The following SHB variants were observed in gnomAD, a reference collection of about 807,000 sequenced individuals.
The protein encoded by SHB is SH2 domain containing adaptor protein B, also known as SH2 domain-containing adapter protein B.
In SHB, 20 loss-of-function variants were observed where a neutral mutation model predicts 52.3. That is an observed-to-expected ratio of 0.38 (90% CI 0.27 to 0.56). The LOEUF (loss-of-function observed/expected upper bound fraction) is 0.56, where lower values mean the gene tolerates loss of function less well. Among genes scored for constraint, SHB ranks in the 20% least tolerant of loss-of-function variants. The pLI is 0.71. For missense variants in SHB, 825 were observed against 723.3 expected, an observed-to-expected ratio of 1.14 and a Z score of -1.61; for synonymous variants, 397 against 316.5, an observed-to-expected ratio of 1.25 and a Z score of -2.70.
intron 3 of SHB, among the ~76,000 whole-genome samples, chr9:37,972,535 G>A (rs1820602442): frequency 6.6e-6 from 1 of 152,240 alleles, no homozygotes; most frequent in South Asian, 2.1e-4. Context: ...TAACCCTGAT[G>A]TGGTGTGAGA....
rs1181315416 is a variant in SHB, at chr9:38,054,592, GC to G, written c.717+13336del. Among the ~76,000 whole-genome samples the G allele has an allele frequency of 4.6e-5, 7 of 152,188 alleles. No homozygotes were observed. In the East Asian group the frequency reaches 1.3e-3, roughly 29 times the overall value. On this transcript the variant is annotated intron_variant, in intron 1 of 5. Transcript: ENST00000377707. ...CATCAAAGGGTCCTTGCCCTTAGCA[GC>G]TGGGGTCCTGGCTGGGAATCTGGCT...
intron 1 of SHB, among the ~76,000 whole-genome samples, chr9:38,045,044 G>A (rs1014934992): frequency 1.3e-5 from 2 of 152,354 alleles, no homozygotes; most frequent in South Asian, 4.1e-4. Context: ...ATACAGGTGA[G>A]CCTTGCATCC....
intron 2 of SHB, among the ~76,000 whole-genome samples, chr9:38,008,931 A>T (rs1821104427): frequency 6.6e-6 from 1 of 152,204 alleles, no homozygotes; most frequent in South Asian, 2.1e-4. Context: ...CCACGGCACT[A>T]CAGAGCTGGG....
At chr9:38,015,242 T>G in intron 2 of SHB, 1 of 587,592 alleles carries the variant, frequency 1.7e-6, no homozygotes, top group Non-Finnish European at 3.0e-6. Flanking sequence ...ACAACAGGGG[T>G]TTCCCTTTTG....
At chr9:37,932,770 TG>T in intron 5 of SHB, among the ~76,000 whole-genome samples, 1 of 152,288 alleles carries the variant, frequency 6.6e-6, no homozygotes, top group African/African-American at 2.4e-5. Flanking sequence ...TGTGCCACCA[TG>T]CCTGGCTAAT....
At chr9:38,006,658 G>A (rs1424925344) in intron 2 of SHB, among the ~76,000 whole-genome samples, 1 of 152,224 alleles carries the variant, frequency 6.6e-6, no homozygotes, top group Non-Finnish European at 1.5e-5. Context: ...CAAGGAGTTA[G>A]GGATGTGTTC....
intron 1 of SHB, among the ~76,000 whole-genome samples, chr9:38,063,794 TG>T (rs770868317): frequency 1.1e-3 from 150 of 136,850 alleles, no homozygotes; most frequent in Middle Eastern, 3.6e-3. Flanking sequence ...GTTTGCTGGA[TG>T]TTTTTTTTTT....
chr9:37,981,642 G>A (rs1191606353), intron 2 of SHB, among the ~76,000 whole-genome samples: 2 of 152,092 alleles, frequency 1.3e-5, no homozygotes, highest in Non-Finnish European at 2.9e-5. Context: ...GGCAGATCTC[G>A]GTTTTTGACA....
chr9:38,020,433 A>G (rs1297898720), intron 1 of SHB, among the ~76,000 whole-genome samples: 3 of 152,382 alleles, frequency 2.0e-5, no homozygotes, highest in East Asian at 3.9e-4. Flanking sequence ...TCTAGAGACA[A>G]GCCTCCAGAT....
At chr9:37,968,956 C>A (rs1465747980) in intron 3 of SHB, among the ~76,000 whole-genome samples, 1 of 152,098 alleles carries the variant, frequency 6.6e-6, no homozygotes, top group Non-Finnish European at 1.5e-5. Context: ...AGGAGAAGAC[C>A]AACCCATGGG....
At chr9:38,044,312 T>A (rs1426053147) in intron 1 of SHB, among the ~76,000 whole-genome samples, 2 of 152,246 alleles carry the variant, frequency 1.3e-5, no homozygotes, top group Non-Finnish European at 2.9e-5. Context: ...CTCCTTAGTA[T>A]GGTATTTGCA....
At chr9:37,961,764 C>A (rs910144560) in intron 3 of SHB, among the ~76,000 whole-genome samples, 1 of 152,178 alleles carries the variant, frequency 6.6e-6, no homozygotes, top group South Asian at 2.1e-4. Context: ...TGCTCTAGAC[C>A]CCCAGGTAGA....
intron 2 of SHB, among the ~76,000 whole-genome samples, chr9:37,998,509 G>A (rs1393554164): frequency 2.0e-5 from 3 of 152,198 alleles, no homozygotes; most frequent in South Asian, 2.1e-4. Context: ...CTGGAGTGCC[G>A]TGGCACGGTC....
chr9:37,948,611 G>A, intron 5 of SHB, 24 bp downstream of exon 5: 1 of 1,611,932 alleles, frequency 6.2e-7, no homozygotes, highest in Non-Finnish European at 8.5e-7. Context: ...GAGGAGGGCT[G>A]GGGGTGCTCG....
intron 4 of SHB, among the ~76,000 whole-genome samples, chr9:37,952,447 G>A (rs140392777): frequency 1.6e-4 from 24 of 152,254 alleles, no homozygotes; most frequent in African/African-American, 5.5e-4. Context: ...TGTGAGCAGC[G>A]GGCAGGAGGT....
chr9:37,957,324 AG>A (rs1427287826), intron 3 of SHB, among the ~76,000 whole-genome samples: 1 of 152,224 alleles, frequency 6.6e-6, no homozygotes, highest in African/African-American at 2.4e-5. Flanking sequence ...TGCTCACAGA[AG>A]GTCCTGGAGA....
chr9:38,033,851 T>C (rs1172787726), intron 1 of SHB, among the ~76,000 whole-genome samples: 1 of 144,804 alleles, frequency 6.9e-6, no homozygotes, highest in Non-Finnish European at 1.5e-5. Flanking sequence ...TGCTGTAAAA[T>C]CCTGACACCC....
chr9:38,002,023 G>A (rs185689417), intron 2 of SHB, among the ~76,000 whole-genome samples: 114 of 152,250 alleles, frequency 7.5e-4, no homozygotes, highest in African/African-American at 2.7e-3. Context: ...GAAGGGGACA[G>A]GGACTGATGT....
intron 3 of SHB, among the ~76,000 whole-genome samples, chr9:37,965,701 G>C (rs1820505569): frequency 6.6e-6 from 1 of 151,778 alleles, no homozygotes; most frequent in African/African-American, 2.4e-5. Context: ...TCAGCCACCT[G>C]AGTAGCTGGG....
Sources: allele counts gnomAD v4.1 joint callset (sites outside exome capture counted in the v4.1 genomes callset), GRCh38; gene constraint gnomAD v4.1.1; transcripts MANE v1.5; gene names NCBI Gene and HGNC (gene_info 2026-07-23, HGNC 2026-07-21).